ATP10B: variants seen among roughly 807,000 people sequenced by gnomAD.
The protein encoded by ATP10B is ATPase phospholipid transporting 10B (putative).
In ATP10B, 122 loss-of-function variants were observed where a neutral mutation model predicts 141.2. The observed-to-expected ratio is 0.86, with a 90% CI of 0.75 to 1.00. The LOEUF (loss-of-function observed/expected upper bound fraction) is 1.00, where lower values mean the gene tolerates loss of function less well. Ranked by LOEUF, ATP10B falls within the 50% of genes least tolerant of loss-of-function variation. The pLI is 0.00. For synonymous variants in ATP10B, 685 were observed against 692.0 expected (o/e 0.99, Z 0.16); for missense variants, 1,876 against 1,825.3 (o/e 1.03, Z -0.51).
the ATP10B span, among the ~76,000 whole-genome samples, chr5:160,881,740 G>A: frequency 1.3e-5 from 2 of 152,160 alleles, no homozygotes; most frequent in South Asian, 4.1e-4. Flanking sequence ...GAAAGCGGGA[G>A]GTGGAGCTTG....
intron 2 of ATP10B, among the ~76,000 whole-genome samples, chr5:160,723,830 C>G (rs748126561): frequency 1.3e-5 from 2 of 152,080 alleles, no homozygotes. Context: ...AAAAAGCACA[C>G]GTACGTTCAC....
chr5:160,872,277 C>G, the ATP10B span, among the ~76,000 whole-genome samples: 1 of 152,038 alleles, frequency 6.6e-6, no homozygotes, highest in Non-Finnish European at 1.5e-5. Flanking sequence ...CTGGATATTA[C>G]TTTTCTGTCA....
At chr5:160,837,885 G>A (rs1222621204) in intron 1 of ATP10B, among the ~76,000 whole-genome samples, 1 of 151,988 alleles carries the variant, frequency 6.6e-6, no homozygotes, top group Non-Finnish European at 1.5e-5. Context: ...TGTTCATAAA[G>A]GTATTTTATG....
the ATP10B span, among the ~76,000 whole-genome samples, chr5:160,919,527 G>A: frequency 1.3e-5 from 2 of 152,150 alleles, no homozygotes; most frequent in Non-Finnish European, 1.5e-5. Flanking sequence ...AAGAATGTTG[G>A]TACTCATTTT....
At chr5:160,568,329 G>A (rs1348612750) in intron 25 of ATP10B, among the ~76,000 whole-genome samples, 1 of 152,142 alleles carries the variant, frequency 6.6e-6, no homozygotes, top group African/African-American at 2.4e-5. Context: ...AAAGTTAGAA[G>A]AGAACCTAGG....
the ATP10B span, among the ~76,000 whole-genome samples, chr5:160,898,808 T>C: frequency 6.6e-6 from 1 of 152,132 alleles, no homozygotes; most frequent in Non-Finnish European, 1.5e-5. Context: ...TGGAATACCA[T>C]GCAGCCATAA....
chr5:160,891,029 G>A, the ATP10B span, among the ~76,000 whole-genome samples: 2 of 152,004 alleles, frequency 1.3e-5, no homozygotes, highest in African/African-American at 2.4e-5. Context: ...GTATGTATGT[G>A]CGTTTGAATA....
chr5:160,688,095 C>A lies in ATP10B; in HGVS notation c.-20-1G>T. The A allele has an allele frequency of 1.2e-6, 2 of 1,605,754 alleles. No individual in the cohort carries two copies. Among genetic ancestry groups the A allele is most frequent in the South Asian group, 1.1e-5 (1 of 89,856 alleles). ...GCCATTTCCAGCAGCAGGCGAAGAT[C>A]TGAAAACAGACACAGGAGGAGCTAT... On this transcript the variant is annotated splice_acceptor_variant, in intron 4 of 25. Coordinates refer to ENST00000327245, the MANE Select transcript of ATP10B (RefSeq NM_025153.3). LOFTEE classifies it low-confidence loss of function (5UTR_SPLICE).
At chr5:160,701,697 GTCACACCTC>G (rs1370215216) in intron 3 of ATP10B, among the ~76,000 whole-genome samples, 1 of 151,938 alleles carries the variant, frequency 6.6e-6, no homozygotes, top group Non-Finnish European at 1.5e-5. Context: ...CCTGGGAATA[GTCACACCTC>G]TACCCAATGC....
At chr5:160,657,775 A>C (rs1242994867) in intron 7 of ATP10B, among the ~76,000 whole-genome samples, 1 of 152,234 alleles carries the variant, frequency 6.6e-6, no homozygotes, top group Non-Finnish European at 1.5e-5. Context: ...AAGGGCATGC[A>C]GTCGCACCCT....
intron 2 of ATP10B, among the ~76,000 whole-genome samples, chr5:160,750,989 T>C (rs1363192794): frequency 6.6e-6 from 1 of 152,166 alleles, no homozygotes; most frequent in Non-Finnish European, 1.5e-5. Context: ...CTTCCACCCA[T>C]CCCTCCAAAC....
At chr5:160,699,414 T>A (rs2127759447) in intron 3 of ATP10B, among the ~76,000 whole-genome samples, 1 of 152,328 alleles carries the variant, frequency 6.6e-6, no homozygotes, top group South Asian at 2.1e-4. Flanking sequence ...TTGTTCAAAG[T>A]TCATGAAGCT....
At chr5:160,800,440 T>C (rs1772299311) in intron 1 of ATP10B, among the ~76,000 whole-genome samples, 2 of 152,212 alleles carry the variant, frequency 1.3e-5, no homozygotes, top group Non-Finnish European at 2.9e-5. Context: ...TTTACAAATG[T>C]GACCATTGAA....
At chr5:160,908,489 T>G in the ATP10B span, among the ~76,000 whole-genome samples, 1,196 of 152,318 alleles carry the variant, frequency 7.9e-3, 20 homozygotes, top group African/African-American at 0.027. Flanking sequence ...TCCAAATGTT[T>G]ATGTTTCCTG....
At chr5:160,754,085 A>G (rs1447736403) in intron 2 of ATP10B, among the ~76,000 whole-genome samples, 1 of 152,232 alleles carries the variant, frequency 6.6e-6, no homozygotes, top group Non-Finnish European at 1.5e-5. Context: ...CTTTGAGTCC[A>G]GATTTGAGTA....
chr5:160,885,635 A>G, the ATP10B span, among the ~76,000 whole-genome samples: 1 of 152,238 alleles, frequency 6.6e-6, no homozygotes, highest in African/African-American at 2.4e-5. Flanking sequence ...AACATGGCAT[A>G]GAATGAGTCT....
At chr5:160,723,518 A>G (rs1766116989) in intron 2 of ATP10B, among the ~76,000 whole-genome samples, 1 of 152,208 alleles carries the variant, frequency 6.6e-6, no homozygotes. Flanking sequence ...CACTTGGCAG[A>G]TGAGAAAATT....
intron 2 of ATP10B, among the ~76,000 whole-genome samples, chr5:160,720,885 C>T (rs111958469): frequency 0.012 from 1,756 of 152,278 alleles, 40 homozygotes; most frequent in African/African-American, 0.04. Context: ...AAATTATTCC[C>T]TCCCACAACT....
At chr5:160,803,831 A>G (rs1772574379) in intron 1 of ATP10B, among the ~76,000 whole-genome samples, 1 of 152,158 alleles carries the variant, frequency 6.6e-6, no homozygotes, top group South Asian at 2.1e-4. Flanking sequence ...CAATCTCAGA[A>G]TCTTTTCCCC....
Sources: allele counts gnomAD v4.1 joint callset (sites outside exome capture counted in the v4.1 genomes callset), GRCh38; gene constraint gnomAD v4.1.1; transcripts MANE v1.5; gene names NCBI Gene and HGNC (gene_info 2026-07-23, HGNC 2026-07-21).